Variants in TCF7L1 observed in about 807,000 individuals in gnomAD.
TCF7L1 encodes transcription factor 7-like 1.
In TCF7L1, 18 loss-of-function variants were observed where a neutral mutation model predicts 63.7. The ratio of observed to expected loss-of-function variants is 0.28; its 90% CI spans 0.20 to 0.42. The LOEUF is 0.42. Ranked by LOEUF, TCF7L1 falls within the 10% of genes least tolerant of loss-of-function variation. The pLI is 1.00. For synonymous variants in TCF7L1, 355 were observed against 340.9 expected, an observed-to-expected ratio of 1.04 and a Z score of -0.46; for missense variants, 654 against 779.3, an observed-to-expected ratio of 0.84 and a Z score of 1.91.
chr2:85,283,625 C>T (rs774122211), intron 4 of TCF7L1, 47 bp downstream of exon 4: 18 of 1,593,142 alleles, frequency 1.1e-5, no homozygotes, highest in East Asian at 2.2e-5. Flanking sequence ...TATTAGTGGC[C>T]TCATCCCATG....
At chr2:85,186,912 C>A (rs1454603731) in intron 3 of TCF7L1, 1 of 152,196 alleles carries the variant, frequency 6.6e-6, no homozygotes. Flanking sequence ...CGAACTGCCA[C>A]CCTTTGACAT....
At chr2:85,144,709 C>T (rs1239205791) in intron 3 of TCF7L1, among the ~76,000 whole-genome samples, 2 of 43,528 alleles carry the variant, frequency 4.6e-5, no homozygotes, top group African/African-American at 1.0e-4. Context: ...CCCCCTTTCT[C>T]TCTCTCTCTC....
intron 3 of TCF7L1, among the ~76,000 whole-genome samples, chr2:85,259,831 GAGGAA>G (rs1680815608): frequency 6.6e-6 from 1 of 152,172 alleles, no homozygotes; most frequent in Non-Finnish European, 1.5e-5. Context: ...GATGTTGAAT[GAGGAA>G]AGGAAAAAGG....
chr2:85,192,784 C>T (rs899623446), intron 3 of TCF7L1, among the ~76,000 whole-genome samples: 5 of 151,866 alleles, frequency 3.3e-5, no homozygotes, highest in South Asian at 4.2e-4. Flanking sequence ...AAGTGATCCT[C>T]CTGCCTCAGC....
chr2:85,168,804 A>G (rs1302548392), intron 3 of TCF7L1, among the ~76,000 whole-genome samples: 1 of 152,190 alleles, frequency 6.6e-6, no homozygotes, highest in African/African-American at 2.4e-5. Context: ...GTATTTTAGT[A>G]GAGATGGAGT....
At chr2:85,280,975 A>G (rs924353446) in intron 3 of TCF7L1, among the ~76,000 whole-genome samples, 1 of 150,094 alleles carries the variant, frequency 6.7e-6, no homozygotes, top group African/African-American at 2.5e-5. Context: ...GCTGTCTTGT[A>G]TGAAGTTGGG....
chr2:85,169,661 G>A (rs1339404382), intron 3 of TCF7L1, among the ~76,000 whole-genome samples: 1 of 152,156 alleles, frequency 6.6e-6, no homozygotes, highest in Admixed American at 6.5e-5. Context: ...CCTAGCCAAC[G>A]GGAGGGGAGG....
intron 3 of TCF7L1, among the ~76,000 whole-genome samples, chr2:85,270,751 G>A (rs573296371): frequency 2.2e-4 from 33 of 152,156 alleles, no homozygotes; most frequent in South Asian, 4.2e-4. Flanking sequence ...GTGCAGTGGC[G>A]CAATCACAGC....
intron 4 of TCF7L1, among the ~76,000 whole-genome samples, chr2:85,290,764 C>T (rs1681692171): frequency 6.6e-6 from 1 of 152,182 alleles, no homozygotes; most frequent in African/African-American, 2.4e-5. Flanking sequence ...GGTAAGCTGG[C>T]AGGCTGGAGA....
chr2:85,256,713 C>G (rs1236518492), intron 3 of TCF7L1, among the ~76,000 whole-genome samples: 1 of 152,106 alleles, frequency 6.6e-6, no homozygotes, highest in Admixed American at 6.5e-5. Flanking sequence ...CATATTGGGC[C>G]AGGTTTGGTG....
At chr2:85,227,550 C>T (rs367673737) in intron 3 of TCF7L1, among the ~76,000 whole-genome samples, 6 of 152,026 alleles carry the variant, frequency 3.9e-5, no homozygotes, top group African/African-American at 1.4e-4. Context: ...GACAAGCTCA[C>T]CCTAGAGCAA....
At chr2:85,302,890 G>C (rs1371402170) in intron 5 of TCF7L1, among the ~76,000 whole-genome samples, 2 of 152,128 alleles carry the variant, frequency 1.3e-5, no homozygotes, top group African/African-American at 4.8e-5. Flanking sequence ...GTGTGGGGTG[G>C]CTCTGCCCAA....
At chr2:85,158,551 A>T (rs866770153) in intron 3 of TCF7L1, among the ~76,000 whole-genome samples, 12 of 152,340 alleles carry the variant, frequency 7.9e-5, no homozygotes, top group Middle Eastern at 6.8e-3. Context: ...CTCACATTTG[A>T]GTCCTAAGAA....
intron 3 of TCF7L1, among the ~76,000 whole-genome samples, chr2:85,162,252 A>C (rs1397665624): frequency 6.6e-6 from 1 of 151,972 alleles, no homozygotes; most frequent in Non-Finnish European, 1.5e-5. Context: ...AAAATAAATA[A>C]ATAATTTTAA....
chr2:85,195,365 A>G (rs1416666906), intron 3 of TCF7L1, among the ~76,000 whole-genome samples: 1 of 152,204 alleles, frequency 6.6e-6, no homozygotes, highest in Admixed American at 6.5e-5. Flanking sequence ...CAAGAGGATC[A>G]CTGGAGCCCA....
chr2:85,152,700 G>A (rs2104207601), intron 3 of TCF7L1, among the ~76,000 whole-genome samples: 1 of 131,154 alleles, frequency 7.6e-6, no homozygotes, highest in East Asian at 2.0e-4. Context: ...CTCCCAAAGT[G>A]CTGGGATTAC....
At chr2:85,148,528 T>C (rs914568092) in intron 3 of TCF7L1, among the ~76,000 whole-genome samples, 1 of 152,128 alleles carries the variant, frequency 6.6e-6, no homozygotes, top group Non-Finnish European at 1.5e-5. Flanking sequence ...TAATGATAAA[T>C]GGGGACAGAT....
chr2:85,302,747 C>T, intron 5 of TCF7L1, 131 bp downstream of exon 5: 2 of 1,213,900 alleles, frequency 1.6e-6, no homozygotes, highest in Non-Finnish European at 2.3e-6. Flanking sequence ...GTCTTTGGAC[C>T]TTGTCTGCTA....
intron 3 of TCF7L1, among the ~76,000 whole-genome samples, chr2:85,187,746 C>T (rs1162293056): frequency 6.6e-6 from 1 of 152,224 alleles, no homozygotes; most frequent in Non-Finnish European, 1.5e-5. Context: ...AGCCTTAACA[C>T]TGGGAAGAGA....
Sources: allele counts gnomAD v4.1 joint callset (sites outside exome capture counted in the v4.1 genomes callset), GRCh38; gene constraint gnomAD v4.1.1; transcripts MANE v1.5; gene names NCBI Gene and HGNC (gene_info 2026-07-23, HGNC 2026-07-21).